The following ABCC1 variants were observed in gnomAD, a reference collection of about 807,000 sequenced individuals.
ABCC1 encodes ATP binding cassette subfamily C member 1 (ABCC1 blood group), also known as multidrug resistance-associated protein 1.
A neutral mutation model predicts 172.9 loss-of-function variants in ABCC1; 83 were observed. The ratio of observed to expected loss-of-function variants is 0.48; its 90% CI spans 0.40 to 0.58. The LOEUF (loss-of-function observed/expected upper bound fraction) is 0.58, where lower values mean the gene tolerates loss of function less well. Among genes scored for constraint, ABCC1 ranks in the 20% least tolerant of loss-of-function variants. The pLI is 0.00. For synonymous variants in ABCC1, 937 were observed against 825.2 expected (o/e 1.14, Z -2.32); for missense variants, 1,817 against 2,002.7 (o/e 0.91, Z 1.77).
At chr16:15,967,028 C>T (rs957922556) in intron 1 of ABCC1, among the ~76,000 whole-genome samples, 4 of 152,056 alleles carry the variant, frequency 2.6e-5, no homozygotes, top group African/African-American at 9.7e-5. Flanking sequence ...GGTCCCCTGC[C>T]CCCTGAGATC....
chr16:16,054,406 A>G (rs1393280433), intron 11 of ABCC1, among the ~76,000 whole-genome samples: 1 of 152,092 alleles, frequency 6.6e-6, no homozygotes, highest in Non-Finnish European at 1.5e-5. Context: ...GTATAGCTTC[A>G]ATTCATTCTT....
rs112237174 is a variant in ABCC1, at chr16:16,089,677, C to T, written c.2461-728C>T. Among the ~76,000 whole-genome samples, 1,293 of 152,212 alleles carry T rather than the reference C, an allele frequency of 8.5e-3. 16 individuals are homozygous for T. Among genetic ancestry groups the T allele is most frequent in the African/African-American group, 0.029 (1,192 of 41,536 alleles). On this transcript the variant is annotated intron_variant, in intron 18 of 30. Transcript: ENST00000399410. ...CTGAGGTCAGGAGTTTGAGACCAGC[C>T]TGGGCAACATGGTGAAACGCCATCT...
At chr16:16,059,676 G>T (rs549921735) in intron 12 of ABCC1, among the ~76,000 whole-genome samples, 5 of 151,872 alleles carry the variant, frequency 3.3e-5, no homozygotes, top group Non-Finnish European at 5.9e-5. Flanking sequence ...GTGGTGGTGC[G>T]CACCTGTGGT....
intron 4 of ABCC1, among the ~76,000 whole-genome samples, chr16:16,015,552 A>G (rs2047963315): frequency 6.6e-6 from 1 of 152,194 alleles, no homozygotes; most frequent in Non-Finnish European, 1.5e-5. Flanking sequence ...GATTGCCTAC[A>G]TATTATTATG....
intron 1 of ABCC1, among the ~76,000 whole-genome samples, chr16:16,001,977 C>A (rs2047330410): frequency 6.6e-6 from 1 of 152,134 alleles, no homozygotes; most frequent in African/African-American, 2.4e-5. Context: ...CTGGGCCTCC[C>A]AAAATGCTGG....
intron 28 of ABCC1, among the ~76,000 whole-genome samples, chr16:16,134,990 C>A (rs921694630): frequency 1.1e-4 from 17 of 152,074 alleles, no homozygotes; most frequent in African/African-American, 4.1e-4. Flanking sequence ...CCCTGAATTT[C>A]CTCTTAGTAT....
chr16:15,966,404 T>A (rs1478384604), intron 1 of ABCC1, among the ~76,000 whole-genome samples: 3 of 69,914 alleles, frequency 4.3e-5, no homozygotes, highest in Non-Finnish European at 9.0e-5. Context: ...AGAGAGACTT[T>A]ATCTTAAAAA....
chr16:16,129,591 G>A (rs1343672403), intron 26 of ABCC1, among the ~76,000 whole-genome samples: 1 of 150,616 alleles, frequency 6.6e-6, no homozygotes, highest in Non-Finnish European at 1.5e-5. Context: ...AGACTGGAGT[G>A]TAGTGGTTTT....
At chr16:15,965,266 T>G (rs528519420) in intron 1 of ABCC1, among the ~76,000 whole-genome samples, 2 of 152,046 alleles carry the variant, frequency 1.3e-5, no homozygotes, top group South Asian at 4.2e-4. Context: ...GACATTTGGG[T>G]TGCTGTGTTT....
intron 12 of ABCC1, among the ~76,000 whole-genome samples, chr16:16,059,531 G>A (rs954781733): frequency 5.3e-5 from 8 of 151,932 alleles, no homozygotes; most frequent in African/African-American, 1.2e-4. Context: ...CTGGCTGGGC[G>A]CAGGGGCTCA....
intron 5 of ABCC1, among the ~76,000 whole-genome samples, chr16:16,032,906 A>T (rs1167098632): frequency 6.6e-6 from 1 of 152,190 alleles, no homozygotes; most frequent in Non-Finnish European, 1.5e-5. Context: ...CACTCCGTTG[A>T]TTGAAACTGG....
chr16:16,121,540 A>G (rs1050252256), intron 23 of ABCC1, among the ~76,000 whole-genome samples: 1 of 152,232 alleles, frequency 6.6e-6, no homozygotes, highest in African/African-American at 2.4e-5. Context: ...GAGGCAGTAC[A>G]GGGTAGAGGT....
At chr16:15,951,356 A>G (rs572080714) in intron 1 of ABCC1, among the ~76,000 whole-genome samples, 1 of 152,142 alleles carries the variant, frequency 6.6e-6, no homozygotes, top group Non-Finnish European at 1.5e-5. Flanking sequence ...GTTTATCTTA[A>G]GAAACTCATT....
At chr16:16,077,180 G>A (rs1472915103) in intron 15 of ABCC1, among the ~76,000 whole-genome samples, 1 of 152,134 alleles carries the variant, frequency 6.6e-6, no homozygotes, top group Non-Finnish European at 1.5e-5. Flanking sequence ...TAAGGAATCC[G>A]CAAAACACAG....
Position 16,048,128 on chromosome 16 carries a change from C to G in ABCC1, c.1219-14C>G, listed in dbSNP as rs943525450. On this transcript the variant is annotated splice_polypyrimidine_tract_variant and intron_variant, in intron 9 of 30. Transcript: ENST00000399410. ...TGCCACACTCACCCACCTTCCCTCTCCTTTGTCCCACAGGCCCTGGTGATC... is the reference window on the plus strand; with the variant it reads ...TGCCACACTCACCCACCTTCCCTCTGCTTTGTCCCACAGGCCCTGGTGATC... 6.2e-7 allele frequency: 1 copy of G among 1,613,944 alleles called. No individual in the cohort carries two copies. The highest frequency in any genetic ancestry group is 1.3e-5 in the African/African-American group (1 of 75,062).
intron 1 of ABCC1, among the ~76,000 whole-genome samples, chr16:15,996,025 T>C (rs1318432718): frequency 6.8e-6 from 1 of 147,340 alleles, no homozygotes; most frequent in East Asian, 2.0e-4. Context: ...CACTCTTTTG[T>C]CCAGGCTGGA....
At chr16:16,076,709 TGCG>T (rs2050589211) in intron 15 of ABCC1, among the ~76,000 whole-genome samples, 1 of 152,158 alleles carries the variant, frequency 6.6e-6, no homozygotes, top group South Asian at 2.1e-4. Flanking sequence ...TACTTTCAGG[TGCG>T]GTGTGATCCA....
At chr16:15,983,552 C>CTTTTTTTTTT (rs11416710) in intron 1 of ABCC1, among the ~76,000 whole-genome samples, 1 of 126,554 alleles carries the variant, frequency 7.9e-6, no homozygotes, top group Non-Finnish European at 1.6e-5. Context: ...GTACACCACA[C>CTTTTTTTTTT]TTTTTTTTTT....
intron 29 of ABCC1, among the ~76,000 whole-genome samples, chr16:16,138,106 C>T (rs982847444): frequency 2.0e-5 from 3 of 152,138 alleles, no homozygotes; most frequent in African/African-American, 7.2e-5. Context: ...ATCCTCCCAC[C>T]TCAGCCTCCC....
Sources: gnomAD v4.1 joint callset for allele counts (sites outside exome capture counted in the v4.1 genomes callset) on GRCh38, gnomAD v4.1.1 for gene constraint, MANE v1.5 for transcripts, NCBI Gene and HGNC (gene_info 2026-07-23, HGNC 2026-07-21) for gene names.